USP36: variants seen among roughly 807,000 people sequenced by gnomAD.
The protein encoded by USP36 is ubiquitin carboxyl-terminal hydrolase 36.
A neutral mutation model predicts 111.5 loss-of-function variants in USP36; 59 were observed. The ratio of observed to expected loss-of-function variants is 0.53; its 90% CI spans 0.43 to 0.66. The LOEUF (loss-of-function observed/expected upper bound fraction) is 0.66. Among genes scored for constraint, USP36 ranks in the 30% least tolerant of loss-of-function variants. The probability of loss-of-function intolerance (pLI) is 0.00; values close to 1 mark genes in which losing one functional copy is unlikely to be tolerated. For missense variants in USP36, 1,488 were observed against 1,468.0 expected, an observed-to-expected ratio of 1.01 and a Z score of -0.22; for synonymous variants, 628 against 581.0, an observed-to-expected ratio of 1.08 and a Z score of -1.16.
In USP36 at chr17:78,836,183, C is replaced by T. The variant is rs779925543; in HGVS notation, c.181G>A (p.Val61Met). 3 of 1,614,158 alleles carry T rather than the reference C, an allele frequency of 1.9e-6. No homozygotes were observed. The highest frequency in any genetic ancestry group is 2.7e-5 in the African/African-American group (2 of 75,036). Residue 61 changes from valine to methionine, a missense_variant, in exon 3 of 21, where the codon GTG becomes ATG. By Grantham distance (21) the Val-to-Met change is conservative. Coordinates refer to ENST00000449938, the MANE Select transcript of USP36 (RefSeq NM_001385174.1). ...CCCTCTGTTTTGGGGTTGAGCAACACATATTTGCTCTTTAAGGCCTCCAGC... is the reference window on the plus strand; with the variant it reads ...CCCTCTGTTTTGGGGTTGAGCAACATATATTTGCTCTTTAAGGCCTCCAGC... ...YQLEALKSKY[V>M]LLNPKTEGAS...
At chr17:78,832,792 C>T (rs539750827) in intron 4 of USP36, among the ~76,000 whole-genome samples, 25 of 152,198 alleles carry the variant, frequency 1.6e-4, no homozygotes, top group South Asian at 6.2e-4. Flanking sequence ...GAAAGTCCAC[C>T]CAGAACCACC....
chr17:78,805,728 C>T (rs963509786), intron 15 of USP36, among the ~76,000 whole-genome samples: 1 of 152,232 alleles, frequency 6.6e-6, no homozygotes, highest in Non-Finnish European at 1.5e-5. Flanking sequence ...CTGCATGACG[C>T]TAGCAGGCAA....
rs62075635 is a variant in USP36 at position 78,831,256 on chromosome 17, G to C, written c.476-2249C>G. Among the ~76,000 whole-genome samples the C allele has an allele frequency of 2.2e-5, 2 of 92,152 alleles. 1 individual carries two copies. Among genetic ancestry groups the C allele is most frequent in the African/African-American group, 8.6e-5 (2 of 23,344 alleles). 60.5% of individuals were successfully genotyped at this position (92,152 alleles called of 152,430 possible). On this transcript the variant is annotated intron_variant, in intron 4 of 20. Coordinates refer to ENST00000449938, the MANE Select transcript of USP36 (RefSeq NM_001385174.1). Reference sequence around the variant, plus strand: ...AAAAAAAAAAAAAAAAAAAAAAAGGGACAACATAAATATTGAAGAGCTCTT... The same window carrying C: ...AAAAAAAAAAAAAAAAAAAAAAAGGCACAACATAAATATTGAAGAGCTCTT...
At chr17:78,821,412 A>C (rs1370906533) in intron 7 of USP36, 1 of 63,820 alleles carries the variant, frequency 1.6e-5, no homozygotes, top group Non-Finnish European at 2.7e-5. Context: ...ATATATATAT[A>C]TATATATATT....
chr17:78,813,896 A>G (rs775478730), intron 11 of USP36, 23 bp from the exon 12 acceptor site: 1 of 1,605,334 alleles, frequency 6.2e-7, no homozygotes, highest in Non-Finnish European at 8.5e-7. Flanking sequence ...AGGATGTTGC[A>G]GAAAACAAAA....
chr17:78,789,798 T>C (rs1341054330), intron 3 of USP36, among the ~76,000 whole-genome samples: 1 of 152,232 alleles, frequency 6.6e-6, no homozygotes, highest in Non-Finnish European at 1.5e-5. Flanking sequence ...TAGTTCCTGC[T>C]AGACTTCACC....
chr17:78,828,917 G>C lies in USP36; in HGVS notation c.566C>G (p.Ser189Cys). The C allele has an allele frequency of 6.2e-7, 1 of 1,614,156 alleles. No homozygotes were observed. Among genetic ancestry groups the C allele is most frequent in the Non-Finnish European group, 8.5e-7 (1 of 1,180,024 alleles). ...CTTACTTTTCAGGTCTCGGATGAAG[G>C]AGACGGGCTTGATGGCGTTGCCGCT... is the stretch of plus-strand genomic sequence containing the variant. ...ANSGNAIKPV[S>C]FIRDLKKIAR... Residue 189 changes from serine to cysteine, a missense_variant, in exon 5 of 21, where the codon TCC (serine) becomes TGC (cysteine). Ser to Cys is a moderately radical substitution (Grantham distance 112). Transcript: ENST00000449938.
rs3826552 is a variant in USP36, at chr17:78,797,803, G to A, written c.*97C>T. 64,315 of 153,114 alleles carry A rather than the reference G, an allele frequency of 0.42. 16,229 individuals are homozygous for A. The highest frequency in any genetic ancestry group is 0.56 in the Non-Finnish European group (38,395 of 68,748). The allele number at this position is 153,114 out of a possible 1,614,324, so 9.5% of individuals were successfully genotyped here. Reference sequence around the variant, plus strand: ...GCTCCTACCGTGACAGGCTCCCAGCGCAGCAGAGCCCACACAGAGAGCTCC... The same window carrying A: ...GCTCCTACCGTGACAGGCTCCCAGCACAGCAGAGCCCACACAGAGAGCTCC... On this transcript the variant is annotated 3_prime_UTR_variant, in exon 21 of 21. Transcript: ENST00000449938.
intron 10 of USP36, among the ~76,000 whole-genome samples, chr17:78,815,890 A>G (rs558399158): frequency 1.9e-4 from 29 of 152,272 alleles, no homozygotes; most frequent in Admixed American, 8.5e-4. Flanking sequence ...TACATGCACA[A>G]CACATACATG....
chr17:78,804,059 C>T (rs2093827211), intron 15 of USP36, 81 bp from the exon 16 acceptor site: 3 of 1,029,296 alleles, frequency 2.9e-6, no homozygotes, highest in South Asian at 3.2e-5. Context: ...CCTCACTCCC[C>T]TCCCTTTCAC....
chr17:78,827,348 CTAAAA>C lies in USP36; in HGVS notation c.587-6_587-2del. 6.2e-7 allele frequency: 1 copy of C among 1,608,260 alleles called. No individual in the cohort carries two copies. Among genetic ancestry groups the C allele is most frequent in the Non-Finnish European group, 8.5e-7 (1 of 1,175,750 alleles). On this transcript the variant is annotated splice_acceptor_variant and splice_polypyrimidine_tract_variant and intron_variant, in intron 5 of 20. Transcript: ENST00000449938. LOFTEE classifies it high-confidence loss of function. ...CCAAAGCGGAAGTGTCGGGCGATCT[CTAAAA>C]GAGGAAGAAACAGGGAGGGAAGAGC...
At chr17:78,820,159 T>C in intron 8 of USP36, 147 bp from the exon 9 acceptor site, 1 of 695,176 alleles carries the variant, frequency 1.4e-6, no homozygotes, top group Non-Finnish European at 2.4e-6. Flanking sequence ...GCTGCCAGAT[T>C]GGGACTCCTT....
rs530182409 is a variant in USP36, at chr17:78,831,712, G to A, written c.476-2705C>T. Among the ~76,000 whole-genome samples the A allele has an allele frequency of 5.3e-5, 8 of 152,134 alleles. No individual in the cohort carries two copies. The South Asian group carries it at 1.7e-3, about 32-fold the overall frequency. ...AATCCGAACATTTTGGGAGGCTGAC[G>A]CAGGAGGATCGCTGAGCCCAGGTGT... is the stretch of plus-strand genomic sequence containing the variant. On this transcript the variant is annotated intron_variant, in intron 4 of 20. Transcript: ENST00000449938.
rs545555556 is a variant in USP36 at position 78,833,311 on chromosome 17, T to C, written c.475+1969A>G. On this transcript the variant is annotated intron_variant, in intron 4 of 20. Transcript: ENST00000449938. The stretch of plus-strand genomic sequence containing the variant: ...TTTTATGTTTTTTTGAGACGGAATC[T>C]TGTTCTGTTGCCCAGGCTAAAGTGC... 2.6e-5 allele frequency among the ~76,000 whole-genome samples: 4 copies of C among 152,236 alleles called. No individual in the cohort carries two copies. In the South Asian group the frequency reaches 8.3e-4, roughly 32 times the overall value.
chr17:78,809,662 C>T (rs1038654290), intron 13 of USP36, among the ~76,000 whole-genome samples: 2 of 152,070 alleles, frequency 1.3e-5, no homozygotes, highest in African/African-American at 4.8e-5. Context: ...GACAGGGTCT[C>T]ATTCTGTTGT....
At chr17:78,836,405 A>G (rs771707735) in intron 2 of USP36, 33 bp from the exon 3 acceptor site, 2 of 1,598,470 alleles carry the variant, frequency 1.3e-6, no homozygotes, top group Admixed American at 1.7e-5. Context: ...AGAGCCATAG[A>G]TAACGAAATC....
intron 5 of USP36, among the ~76,000 whole-genome samples, chr17:78,828,687 A>G (rs946815993): frequency 7.2e-5 from 11 of 152,130 alleles, no homozygotes; most frequent in African/African-American, 2.2e-4. Flanking sequence ...CACCTCCTAC[A>G]GGGCGAGCAC....
chr17:78,839,563 T>A (rs2069045540), intron 1 of USP36, among the ~76,000 whole-genome samples: 1 of 152,142 alleles, frequency 6.6e-6, no homozygotes. Flanking sequence ...GAGAACCACT[T>A]AGGGAGGGGA....
downstream of USP36, among the ~76,000 whole-genome samples, chr17:78,792,255 G>C (rs940300876): frequency 2.0e-5 from 3 of 152,144 alleles, no homozygotes; most frequent in Non-Finnish European, 4.4e-5. Context: ...GGAGATGCCT[G>C]AACATGTTCC....
Sources: gnomAD v4.1 joint callset for allele counts (sites outside exome capture counted in the v4.1 genomes callset) on GRCh38, gnomAD v4.1.1 for gene constraint, MANE v1.5 for transcripts, NCBI Gene and HGNC (gene_info 2026-07-23, HGNC 2026-07-21) for gene names.